The following GUCY1A2 variants were observed in gnomAD, a reference collection of about 807,000 sequenced individuals.
The protein encoded by GUCY1A2 is guanylate cyclase 1 soluble subunit alpha 2.
GUCY1A2 carries 27 observed loss-of-function variants against 63.5 expected under a neutral mutation model. The ratio of observed to expected loss-of-function variants is 0.43; its 90% confidence interval spans 0.31 to 0.59. GUCY1A2 has a LOEUF of 0.59. Ranked by LOEUF, GUCY1A2 falls within the 20% of genes least tolerant of loss-of-function variation. The pLI is 0.11. For synonymous variants in GUCY1A2, 364 were observed against 343.5 expected, an observed-to-expected ratio of 1.06 and a Z score of -0.66; for missense variants, 768 against 913.3, an observed-to-expected ratio of 0.84 and a Z score of 2.05.
At chr11:106,896,441 T>C (rs1240106961) in intron 4 of GUCY1A2, among the ~76,000 whole-genome samples, 1 of 152,162 alleles carries the variant, frequency 6.6e-6, no homozygotes, top group Non-Finnish European at 1.5e-5. Flanking sequence ...TTTTAAATAT[T>C]GTACTGAAGT....
At chr11:106,845,685 C>T (rs1017985017) in intron 4 of GUCY1A2, among the ~76,000 whole-genome samples, 1 of 151,320 alleles carries the variant, frequency 6.6e-6, no homozygotes, top group African/African-American at 2.4e-5. Context: ...GGACAGCTAC[C>T]TTAATGAGGT....
intron 1 of GUCY1A2, among the ~76,000 whole-genome samples, chr11:106,997,175 G>A (rs1378684409): frequency 3.3e-5 from 5 of 152,104 alleles, no homozygotes; most frequent in Non-Finnish European, 7.4e-5. Flanking sequence ...ATACATGGAT[G>A]TATGGGTATG....
At chr11:106,870,237 T>C (rs770108417) in intron 4 of GUCY1A2, among the ~76,000 whole-genome samples, 3 of 151,988 alleles carry the variant, frequency 2.0e-5, no homozygotes, top group Non-Finnish European at 1.5e-5. Flanking sequence ...ACATGTACCC[T>C]AGAACTTAAA....
In GUCY1A2 at chr11:106,687,714, A is replaced by T; in HGVS notation, c.2034T>A (p.Ser678=). The T allele has an allele frequency of 6.2e-7, 1 of 1,613,196 alleles. No individual in the cohort carries two copies. The highest frequency in any genetic ancestry group is 8.5e-7 in the Non-Finnish European group (1 of 1,179,120). The change falls in exon 8 of 8, where the codon TCT becomes TCA. Residue 678 remains serine (S), a synonymous_variant. Coordinates refer to ENST00000526355, the MANE Select transcript of GUCY1A2 (RefSeq NM_000855.3). ...REESFTFIPR[S]REELPDNFPK... ...GAAAGTTGTCTGGAAGCTCTTCACGAGACCGCGGAATGAATGTGAAACTTT... is the reference window on the plus strand; with the variant it reads ...GAAAGTTGTCTGGAAGCTCTTCACGTGACCGCGGAATGAATGTGAAACTTT...
chr11:106,898,974 T>C (rs1860089535), intron 4 of GUCY1A2, among the ~76,000 whole-genome samples: 1 of 152,232 alleles, frequency 6.6e-6, no homozygotes, highest in South Asian at 2.1e-4. Context: ...GGGACATCTC[T>C]GTACCTTCCA....
intron 4 of GUCY1A2, among the ~76,000 whole-genome samples, chr11:106,837,124 T>C (rs1367352530): frequency 6.6e-6 from 1 of 151,914 alleles, no homozygotes; most frequent in African/African-American, 2.4e-5. Flanking sequence ...ATAGTTATTT[T>C]TTTCTGATCC....
chr11:106,949,931 G>A (rs189860455), intron 3 of GUCY1A2, among the ~76,000 whole-genome samples: 110 of 152,250 alleles, frequency 7.2e-4, no homozygotes, highest in African/African-American at 2.6e-3. Context: ...AATACATCTG[G>A]ATGTGACTGA....
intron 3 of GUCY1A2, among the ~76,000 whole-genome samples, chr11:106,957,807 C>T (rs1379415068): frequency 1.3e-5 from 2 of 148,942 alleles, no homozygotes; most frequent in Non-Finnish European, 3.0e-5. Flanking sequence ...ACTGCTCCAA[C>T]CAAGTGTTGG....
At chr11:106,794,195 G>A (rs531480089) in intron 5 of GUCY1A2, among the ~76,000 whole-genome samples, 2 of 151,964 alleles carry the variant, frequency 1.3e-5, no homozygotes, top group East Asian at 1.9e-4. Context: ...CCTGCCATTT[G>A]TGGATGAATC....
At chr11:107,002,857 T>C (rs1182194012) in intron 1 of GUCY1A2, among the ~76,000 whole-genome samples, 1 of 152,180 alleles carries the variant, frequency 6.6e-6, no homozygotes, top group Admixed American at 6.5e-5. Flanking sequence ...TAGACAAGAA[T>C]GTAATAATAA....
At chr11:106,692,158 T>C (rs1862636375) in intron 7 of GUCY1A2, among the ~76,000 whole-genome samples, 1 of 152,172 alleles carries the variant, frequency 6.6e-6, no homozygotes. Flanking sequence ...AACAATCCAT[T>C]TCTTTAGCAC....
rs191699957 is a variant in GUCY1A2, at chr11:106,687,714, A to G, written c.2034T>C (p.Ser678=). The G allele has an allele frequency of 1.1e-5, 17 of 1,613,196 alleles. No homozygotes were observed. The Admixed American group carries it at 1.2e-4, about 11-fold the overall frequency. Residue 678 remains serine (S), a synonymous_variant, in exon 8 of 8, where the codon TCT becomes TCC. Transcript: ENST00000526355. Reference sequence around the variant, plus strand: ...GAAAGTTGTCTGGAAGCTCTTCACGAGACCGCGGAATGAATGTGAAACTTT... The same window carrying G: ...GAAAGTTGTCTGGAAGCTCTTCACGGGACCGCGGAATGAATGTGAAACTTT... The part of the protein sequence containing the change: ...REESFTFIPR[S]REELPDNFPK...
intron 5 of GUCY1A2, among the ~76,000 whole-genome samples, chr11:106,801,147 T>C (rs185307963): frequency 0.013 from 1,967 of 152,280 alleles, 27 homozygotes; most frequent in South Asian, 0.049. Context: ...TCAAAAATAG[T>C]GCACATTTGT....
chr11:106,932,364 G>A (rs1289146173), intron 4 of GUCY1A2, among the ~76,000 whole-genome samples: 1 of 151,200 alleles, frequency 6.6e-6, no homozygotes, highest in Non-Finnish European at 1.5e-5. Flanking sequence ...CAGGAACAAT[G>A]CCATTAAGCC....
At chr11:107,015,292 T>A (rs1045764087) in intron 1 of GUCY1A2, among the ~76,000 whole-genome samples, 2 of 152,182 alleles carry the variant, frequency 1.3e-5, no homozygotes, top group Non-Finnish European at 1.5e-5. Flanking sequence ...TGCATTTATT[T>A]GATCATCACA....
chr11:106,789,509 G>C lies in GUCY1A2; in HGVS notation c.1693-12927C>G, dbSNP rs576489118. Among the ~76,000 whole-genome samples the C allele has an allele frequency of 2.0e-5, 3 of 152,192 alleles. No homozygotes were observed. In the South Asian group the frequency reaches 6.2e-4, roughly 32 times the overall value. On this transcript the variant is annotated intron_variant, in intron 5 of 7. Coordinates refer to ENST00000526355, the MANE Select transcript of GUCY1A2 (RefSeq NM_000855.3). ...GCTGGTGCTTTATTTCGTTCATTTG[G>C]TGAAGTCACATTTTCCTGGATGATC...
intron 4 of GUCY1A2, among the ~76,000 whole-genome samples, chr11:106,816,581 A>G (rs1202387519): frequency 6.6e-6 from 1 of 151,494 alleles, no homozygotes; most frequent in African/African-American, 2.4e-5. Flanking sequence ...CAAAGCAAGC[A>G]GAAGGGAGGA....
At position 106,909,040 on chromosome 11, in the gene GUCY1A2, T is replaced by C. The variant is rs569032269; in HGVS notation, c.1206+30420A>G. ...AGAACATTTAAATACCAACCAGGAA[T>C]AGTGCGGAATGAATGAAAGGGATAA... On this transcript the variant is annotated intron_variant, in intron 4 of 7. Coordinates refer to ENST00000526355, the MANE Select transcript of GUCY1A2 (RefSeq NM_000855.3). 4.6e-5 allele frequency among the ~76,000 whole-genome samples: 7 copies of C among 152,056 alleles called. No individual in the cohort carries two copies. In the South Asian group the frequency reaches 1.2e-3, roughly 27 times the overall value.
rs541019744 is a variant in GUCY1A2 at position 106,923,106 on chromosome 11, CCAGG to C, written c.1206+16350_1206+16353del. On this transcript the variant is annotated intron_variant, in intron 4 of 7. Coordinates refer to ENST00000526355, the MANE Select transcript of GUCY1A2 (RefSeq NM_000855.3). ...ATTAGGGTTTTCTTTGCAATTTATGCCAGGCAGATTATAATGACAAGTATATTGG... is the reference window on the plus strand; with the variant it reads ...ATTAGGGTTTTCTTTGCAATTTATGCCAGATTATAATGACAAGTATATTGG... Among the ~76,000 whole-genome samples, 25 of 152,164 alleles carry C rather than the reference CCAGG, an allele frequency of 1.6e-4. No individual in the cohort carries two copies. The East Asian group carries it at 4.4e-3, about 27-fold the overall frequency.
Sources: allele counts gnomAD v4.1 joint callset (sites outside exome capture counted in the v4.1 genomes callset), GRCh38; gene constraint gnomAD v4.1.1; transcripts MANE v1.5; gene names NCBI Gene and HGNC (gene_info 2026-07-23, HGNC 2026-07-21).